ADAMTS19: variants seen among roughly 807,000 people sequenced by gnomAD.
ADAMTS19 encodes the protein A disintegrin and metalloproteinase with thrombospondin motifs 19.
A neutral mutation model predicts 153.3 loss-of-function variants in ADAMTS19; 93 were observed. The ratio of observed to expected loss-of-function variants is 0.61; its 90% confidence interval spans 0.51 to 0.72. The LOEUF (loss-of-function observed/expected upper bound fraction) is 0.72. Among genes scored for constraint, ADAMTS19 ranks in the 30% least tolerant of loss-of-function variants. The pLI is 0.00. For synonymous variants in ADAMTS19, 600 were observed against 556.6 expected (o/e 1.08, Z -1.10); for missense variants, 1,482 against 1,552.1 (o/e 0.95, Z 0.76).
Position 129,648,976 on chromosome 5 carries a change from A to C in ADAMTS19, c.2176+6A>C. The C allele has an allele frequency of 6.3e-7, 1 of 1,582,580 alleles. No individual in the cohort carries two copies. The highest frequency in any genetic ancestry group is 8.6e-7 in the Non-Finnish European group (1 of 1,157,484). On this transcript the variant is annotated splice_donor_region_variant and intron_variant, in intron 13 of 22. Coordinates refer to ENST00000274487, the MANE Select transcript of ADAMTS19 (RefSeq NM_133638.6). The stretch of plus-strand genomic sequence containing the variant: ...GCAAGCTGTCCTGGATGAAGGTATG[A>C]CCAACCAGATCACCACCATCTTTGT...
In ADAMTS19 at chr5:129,737,922, A is replaced by G. The variant is rs983346503; in HGVS notation, c.*704A>G. 6.6e-6 allele frequency: 1 copy of G among 152,546 alleles called. No individual in the cohort carries two copies. Among genetic ancestry groups the G allele is most frequent in the Non-Finnish European group, 1.5e-5 (1 of 67,990 alleles). The allele number at this position is 152,546 out of a possible 1,614,324, so 9.4% of individuals were successfully genotyped here. A position where few individuals can be genotyped will look rare whatever the true frequency, so the allele number is the denominator to read the frequency against. On this transcript the variant is annotated 3_prime_UTR_variant, in exon 23 of 23. Coordinates refer to ENST00000274487, the MANE Select transcript of ADAMTS19 (RefSeq NM_133638.6). ...ACTGAATCACAATTGCACTGTTGAT[A>G]TAGTGTAGAGAAATCGTTAGAAATG...
intron 17 of ADAMTS19, among the ~76,000 whole-genome samples, chr5:129,682,536 T>C (rs1754869380): frequency 6.6e-6 from 1 of 152,232 alleles, no homozygotes; most frequent in African/African-American, 2.4e-5. Context: ...TTTTATGTAA[T>C]TAAATAAGTT....
At chr5:129,705,878 C>T (rs1042811764) in intron 21 of ADAMTS19, among the ~76,000 whole-genome samples, 1 of 152,106 alleles carries the variant, frequency 6.6e-6, no homozygotes, top group Non-Finnish European at 1.5e-5. Flanking sequence ...TGAATTAATG[C>T]CTTTGTGTCT....
intron 21 of ADAMTS19, among the ~76,000 whole-genome samples, chr5:129,733,310 C>CCCATTT (rs1302567159): frequency 7.2e-5 from 11 of 151,952 alleles, no homozygotes; most frequent in African/African-American, 2.7e-4. Context: ...ACAAATGGGA[C>CCCATTT]TTAAGTAAAT....
intron 8 of ADAMTS19, among the ~76,000 whole-genome samples, chr5:129,610,720 T>C (rs547944636): frequency 1.3e-5 from 2 of 152,308 alleles, no homozygotes; most frequent in African/African-American, 4.8e-5. Context: ...TCCAAGTCTT[T>C]GCTATTGTGA....
intron 9 of ADAMTS19, among the ~76,000 whole-genome samples, chr5:129,621,793 T>A (rs1351974319): frequency 6.6e-6 from 1 of 152,202 alleles, no homozygotes; most frequent in Non-Finnish European, 1.5e-5. Flanking sequence ...CTGTTAATAT[T>A]CACCTGAGGA....
chr5:129,716,987 T>A (rs150846776), intron 21 of ADAMTS19, among the ~76,000 whole-genome samples: 1 of 152,344 alleles, frequency 6.6e-6, no homozygotes, highest in African/African-American at 2.4e-5. Context: ...ACTTCTACAG[T>A]CTCTATGTCT....
chr5:129,722,529 C>G (rs1757048278), intron 21 of ADAMTS19, among the ~76,000 whole-genome samples: 1 of 152,124 alleles, frequency 6.6e-6, no homozygotes, highest in South Asian at 2.1e-4. Flanking sequence ...CAAAAATTTT[C>G]TCCCATTCTA....
At chr5:129,535,193 G>A (rs1037941676) in intron 6 of ADAMTS19, among the ~76,000 whole-genome samples, 26 of 152,282 alleles carry the variant, frequency 1.7e-4, no homozygotes, top group Admixed American at 1.2e-3. Flanking sequence ...ATCTCCTTAA[G>A]CTGATAAGCA....
At position 129,508,832 on chromosome 5, in the gene ADAMTS19, C is replaced by T. The variant is rs555688392; in HGVS notation, c.748-245C>T. 2.0e-3 allele frequency among the ~76,000 whole-genome samples: 310 copies of T among 152,004 alleles called. 2 individuals are homozygous for T. The highest frequency in any genetic ancestry group is 3.7e-3 in the Non-Finnish European group (249 of 67,914). On this transcript the variant is annotated intron_variant, in intron 2 of 22. Coordinates refer to ENST00000274487, the MANE Select transcript of ADAMTS19 (RefSeq NM_133638.6). ...ATTTTTACTGTGCATCTGTTGCTGG[C>T]GTCTAGCCTCCCACCCACACGGATT...
intron 2 of ADAMTS19, among the ~76,000 whole-genome samples, chr5:129,505,340 G>T (rs943250547): frequency 1.3e-5 from 2 of 152,072 alleles, no homozygotes; most frequent in African/African-American, 4.8e-5. Flanking sequence ...CATAGAAGTG[G>T]GGAAAGAATG....
chr5:129,639,128 G>T (rs27343), intron 10 of ADAMTS19, among the ~76,000 whole-genome samples: 28,534 of 151,920 alleles, frequency 0.19, 3,171 homozygotes, highest in East Asian at 0.35. Context: ...AGTTATTTTC[G>T]TAACTGACCT....
intron 16 of ADAMTS19, among the ~76,000 whole-genome samples, chr5:129,670,977 T>C (rs1354942486): frequency 6.6e-6 from 1 of 152,170 alleles, no homozygotes; most frequent in African/African-American, 2.4e-5. Context: ...AGCAGGGTCT[T>C]TTACTTGTAG....
intron 18 of ADAMTS19, among the ~76,000 whole-genome samples, chr5:129,689,415 G>A (rs1755233642): frequency 1.3e-5 from 2 of 152,030 alleles, no homozygotes; most frequent in Non-Finnish European, 2.9e-5. Context: ...GGTGTGATTT[G>A]TTCTGTTTTT....
intron 6 of ADAMTS19, among the ~76,000 whole-genome samples, chr5:129,537,487 T>A (rs1265602142): frequency 6.6e-6 from 1 of 152,148 alleles, no homozygotes; most frequent in Admixed American, 6.6e-5. Context: ...GTATGTTTAT[T>A]GCGGCACTAT....
intron 15 of ADAMTS19, among the ~76,000 whole-genome samples, chr5:129,662,290 G>A (rs1753847582): frequency 6.6e-6 from 1 of 152,132 alleles, no homozygotes; most frequent in African/African-American, 2.4e-5. Context: ...GTACACACAA[G>A]GATCAAATTT....
At chr5:129,586,339 C>T (rs542235887) in intron 7 of ADAMTS19, among the ~76,000 whole-genome samples, 9 of 152,132 alleles carry the variant, frequency 5.9e-5, no homozygotes, top group African/African-American at 1.7e-4. Context: ...TTCCTTCTTC[C>T]GCTCTTAATC....
chr5:129,699,879 C>A (rs1195747101), intron 19 of ADAMTS19, among the ~76,000 whole-genome samples: 1 of 152,082 alleles, frequency 6.6e-6, no homozygotes, highest in Non-Finnish European at 1.5e-5. Context: ...ATAATATATC[C>A]TGAACCTATT....
At chr5:129,548,056 T>C (rs963918495) in intron 6 of ADAMTS19, among the ~76,000 whole-genome samples, 3 of 150,608 alleles carry the variant, frequency 2.0e-5, no homozygotes, top group Non-Finnish European at 2.9e-5. Context: ...ACGTTAGAAC[T>C]AAAACCATAA....
Sources: allele counts gnomAD v4.1 joint callset (sites outside exome capture counted in the v4.1 genomes callset), GRCh38; gene constraint gnomAD v4.1.1; transcripts MANE v1.5; gene names NCBI Gene and HGNC (gene_info 2026-07-23, HGNC 2026-07-21).